Variants in SLC35A3 observed in about 807,000 individuals in gnomAD.
SLC35A3 encodes the protein solute carrier family 35 member A3.
Under a neutral mutation model 39.0 loss-of-function variants are expected in SLC35A3, and 26 were observed. The observed-to-expected ratio is 0.67, with a 90% CI of 0.49 to 0.92. The LOEUF is 0.92. Among genes scored for constraint, SLC35A3 ranks in the 40% least tolerant of loss-of-function variants. The pLI is 0.00. For synonymous variants in SLC35A3, 135 were observed against 133.1 expected, an observed-to-expected ratio of 1.01 and a Z score of -0.10; for missense variants, 299 against 371.6, an observed-to-expected ratio of 0.80 and a Z score of 1.61.
chr1:100,006,268 T>C lies in SLC35A3; in HGVS notation c.343-766T>C, dbSNP rs149668851. Among the ~76,000 whole-genome samples the C allele has an allele frequency of 7.1e-4, 108 of 152,238 alleles. 1 individual carries two copies. The highest frequency in any genetic ancestry group is 2.5e-3 in the African/African-American group (105 of 41,542). ...GGTTCTTGGGTCTCCAAGAGGTGTA[T>C]GCAGATACTAGCAGTGGTGGGTCCA... is the stretch of plus-strand genomic sequence containing the variant. On this transcript the variant is annotated intron_variant, in intron 3 of 7. Transcript: ENST00000533028.
At chr1:100,001,335 C>T (rs1402788948) in intron 3 of SLC35A3, among the ~76,000 whole-genome samples, 1 of 152,010 alleles carries the variant, frequency 6.6e-6, no homozygotes, top group Admixed American at 6.6e-5. Context: ...TCTTTTAATC[C>T]ACAAGCATGG....
At chr1:100,011,876 G>A (rs962775513) in intron 5 of SLC35A3, among the ~76,000 whole-genome samples, 5 of 150,690 alleles carry the variant, frequency 3.3e-5, no homozygotes, top group South Asian at 2.1e-4. Context: ...CCGCCACCAC[G>A]CCCGGCTAAT....
At chr1:99,995,872 A>G (rs1658373814) in intron 2 of SLC35A3, among the ~76,000 whole-genome samples, 1 of 152,244 alleles carries the variant, frequency 6.6e-6, no homozygotes, top group South Asian at 2.1e-4. Context: ...GCAAAAGAAG[A>G]CAGAAGCAAA....
At chr1:99,992,654 T>A (rs968836696) in intron 1 of SLC35A3, among the ~76,000 whole-genome samples, 4 of 152,234 alleles carry the variant, frequency 2.6e-5, no homozygotes, top group Admixed American at 2.6e-4. Context: ...TGCTTGAAAT[T>A]CTTTTCTGAC....
At position 100,026,841 on chromosome 1, in the gene SLC35A3, T is replaced by G. The variant is rs1441410314; in HGVS notation, c.*4365T>G. The G allele has an allele frequency of 4.8e-6, 1 of 208,094 alleles. No individual in the cohort carries two copies. Among genetic ancestry groups the G allele is most frequent in the Non-Finnish European group, 9.5e-6 (1 of 105,664 alleles). 12.9% of individuals were successfully genotyped at this position (208,094 alleles called of 1,614,324 possible). A position where few individuals can be genotyped will look rare whatever the true frequency, so the allele number is the denominator to read the frequency against. ...TATTTAAATTTTTTATGGACATAAT[T>G]CAAAGGAATGTATAAATTGGTCTTT... On this transcript the variant is annotated 3_prime_UTR_variant, in exon 8 of 8. Coordinates refer to ENST00000533028, the MANE Select transcript of SLC35A3 (RefSeq NM_012243.3).
chr1:100,022,262 G>A (rs1363028940), intron 7 of SLC35A3, 124 bp from the exon 8 acceptor site: 5 of 564,472 alleles, frequency 8.9e-6, no homozygotes, highest in Non-Finnish European at 1.6e-5. Context: ...CTCAAGATTT[G>A]TTAGCCGTGT....
intron 3 of SLC35A3, among the ~76,000 whole-genome samples, 185 bp downstream of exon 3, chr1:99,999,600 ATCTTC>A (rs1171544677): frequency 2.0e-5 from 3 of 151,968 alleles, no homozygotes; most frequent in African/African-American, 4.8e-5. Context: ...GACATTTCAG[ATCTTC>A]TCTTCTAGTT....
At chr1:100,009,463 G>A (rs1420942304) in intron 4 of SLC35A3, 1 of 152,226 alleles carries the variant, frequency 6.6e-6, no homozygotes, top group Admixed American at 6.5e-5. Flanking sequence ...ATTGGTCCTA[G>A]ATTATATGTG....
At chr1:99,977,689 A>G (rs1356266425) in intron 1 of SLC35A3, among the ~76,000 whole-genome samples, 2 of 152,128 alleles carry the variant, frequency 1.3e-5, no homozygotes, top group Non-Finnish European at 2.9e-5. Context: ...GGCACACGCC[A>G]CAATATCTGG....
intron 7 of SLC35A3, among the ~76,000 whole-genome samples, chr1:100,021,925 T>C (rs1194387622): frequency 6.6e-6 from 1 of 152,240 alleles, no homozygotes; most frequent in Non-Finnish European, 1.5e-5. Flanking sequence ...AATATTCCTT[T>C]CGTATGTTCA....
rs938986066 is a variant in SLC35A3, at chr1:99,996,609, A to C, written c.188-2652A>C. Among the ~76,000 whole-genome samples the C allele has an allele frequency of 2.6e-5, 4 of 152,322 alleles. No individual in the cohort carries two copies. In the East Asian group the frequency reaches 7.7e-4, roughly 29 times the overall value. Reference sequence around the variant, plus strand: ...ATTAAAAAATAATCAGGTTTGGTGCACACCTATAGTCCCAGTTACTTGGGA... The same window carrying C: ...ATTAAAAAATAATCAGGTTTGGTGCCCACCTATAGTCCCAGTTACTTGGGA... On this transcript the variant is annotated intron_variant, in intron 2 of 7. Transcript: ENST00000533028.
chr1:99,970,622 A>C, intron 1 of SLC35A3: 1 of 1,536,150 alleles, frequency 6.5e-7, no homozygotes, highest in Non-Finnish European at 8.7e-7. Flanking sequence ...CAGGAACTTA[A>C]AGAAATGGAA....
intron 1 of SLC35A3, chr1:99,979,162 A>T (rs1657295766): frequency 6.6e-6 from 1 of 152,214 alleles, no homozygotes. Context: ...GCTTAAAACA[A>T]TAGCAATTTA....
In SLC35A3 at chr1:99,997,408, TTTTATATATATA is replaced by T. The variant is rs1250290770; in HGVS notation, c.188-1851_188-1840del. Among the ~76,000 whole-genome samples, 17 of 55,724 alleles carry T rather than the reference TTTTATATATATA, an allele frequency of 3.1e-4. No individual in the cohort carries two copies. The South Asian group carries it at 3.4e-3, about 11-fold the overall frequency. 36.6% of individuals were successfully genotyped at this position (55,724 alleles called of 152,430 possible). On this transcript the variant is annotated intron_variant, in intron 2 of 7. Transcript: ENST00000533028. ...ATACAGTTATATGTTTTATATATAGTTTTATATATATATATATATATATATATATATATATAT... is the reference window on the plus strand; with the variant it reads ...ATACAGTTATATGTTTTATATATAGTTATATATATATATATATATATATAT...
At chr1:99,987,296 G>T (rs1657801417) in intron 1 of SLC35A3, among the ~76,000 whole-genome samples, 1 of 152,000 alleles carries the variant, frequency 6.6e-6, no homozygotes, top group Non-Finnish European at 1.5e-5. Context: ...TTTCACATTG[G>T]ACAAAATTGA....
rs1003022780 is a variant in SLC35A3, at chr1:99,970,062, A to T, written c.-119A>T. The T allele has an allele frequency of 2.0e-5, 3 of 153,006 alleles. No homozygotes were observed. The highest frequency in any genetic ancestry group is 4.4e-5 in the Non-Finnish European group (3 of 68,614). The allele number at this position is 153,006 out of a possible 1,614,324, so 9.5% of individuals were successfully genotyped here. A position where few individuals can be genotyped will look rare whatever the true frequency, so the allele number is the denominator to read the frequency against. ...ACGGGAGCCGGCGGCGCTGCGGGTCAGCGGTCGCGTAGGACCCAGCGGACT... is the reference window on the plus strand; with the variant it reads ...ACGGGAGCCGGCGGCGCTGCGGGTCTGCGGTCGCGTAGGACCCAGCGGACT... On this transcript the variant is annotated 5_prime_UTR_variant, in exon 1 of 8. Coordinates refer to ENST00000533028, the MANE Select transcript of SLC35A3 (RefSeq NM_012243.3).
intron 2 of SLC35A3, among the ~76,000 whole-genome samples, chr1:99,996,367 A>G (rs778583187): frequency 5.3e-5 from 8 of 152,202 alleles, no homozygotes; most frequent in Non-Finnish European, 8.8e-5. Flanking sequence ...CAGAGTTCAT[A>G]GAAACTTAAT....
chr1:99,993,490 C>T, intron 1 of SLC35A3, 47 bp from the exon 2 acceptor site: 1 of 1,518,012 alleles, frequency 6.6e-7, no homozygotes, highest in Non-Finnish European at 9.0e-7. Context: ...TACTAGTTTT[C>T]ATATGTTGTA....
intron 7 of SLC35A3, among the ~76,000 whole-genome samples, chr1:100,018,686 C>T (rs1183485483): frequency 6.6e-6 from 1 of 152,026 alleles, no homozygotes; most frequent in African/African-American, 2.4e-5. Context: ...TGCTTTGTTG[C>T]CCAGGCTGAT....
Sources: gnomAD v4.1 joint callset for allele counts (sites outside exome capture counted in the v4.1 genomes callset) on GRCh38, gnomAD v4.1.1 for gene constraint, MANE v1.5 for transcripts, NCBI Gene and HGNC (gene_info 2026-07-23, HGNC 2026-07-21) for gene names.